The following NOB1 variants were observed in gnomAD, a reference collection of about 807,000 sequenced individuals.
NOB1 encodes the protein NIN1 (RPN12) binding protein 1 homolog, also known as RNA-binding protein NOB1.
A neutral mutation model predicts 44.8 loss-of-function variants in NOB1; 44 were observed. The observed-to-expected ratio is 0.98, with a 90% CI of 0.77 to 1.26. The LOEUF is 1.26. Among genes scored for constraint, NOB1 ranks in the 50% most tolerant of loss-of-function variants. The pLI is 0.00. For missense variants in NOB1, 560 were observed against 544.8 expected, an observed-to-expected ratio of 1.03 and a Z score of -0.28; for synonymous variants, 238 against 218.7, an observed-to-expected ratio of 1.09 and a Z score of -0.78.
At chr16:69,748,198 A>T (rs761759687) in intron 7 of NOB1, 34 bp downstream of exon 7, 5 of 1,500,782 alleles carry the variant, frequency 3.3e-6, no homozygotes, top group Non-Finnish European at 4.6e-6. Flanking sequence ...AGTGTTCCAC[A>T]GAGGGCACCA....
intron 3 of NOB1, among the ~76,000 whole-genome samples, chr16:69,750,046 C>T (rs1329635419): frequency 1.4e-5 from 2 of 144,410 alleles, no homozygotes; most frequent in Admixed American, 7.1e-5. Flanking sequence ...TCACCCAGGC[C>T]GGAGGGGAGT....
At chr16:69,744,154 A>C (rs1346235991) in intron 8 of NOB1, among the ~76,000 whole-genome samples, 1 of 152,144 alleles carries the variant, frequency 6.6e-6, no homozygotes. Flanking sequence ...GCAAAACCCC[A>C]TCTCTACTAA....
chr16:69,746,142 G>C (rs2038429033), intron 7 of NOB1, among the ~76,000 whole-genome samples: 1 of 152,236 alleles, frequency 6.6e-6, no homozygotes, highest in Non-Finnish European at 1.5e-5. Flanking sequence ...CTGAGTGCTG[G>C]GTTATGCTCA....
At chr16:69,742,637 G>A in intron 8 of NOB1, 36 bp from the exon 9 acceptor site, 2 of 1,606,438 alleles carry the variant, frequency 1.2e-6, no homozygotes, top group Non-Finnish European at 1.7e-6. Flanking sequence ...TTAGAAGAAG[G>A]GGAGCCACAG....
intron 7 of NOB1, 140 bp from the exon 8 acceptor site, chr16:69,745,157 C>T: frequency 1.2e-6 from 1 of 838,382 alleles, no homozygotes; most frequent in Non-Finnish European, 1.8e-6. Flanking sequence ...AAGACGGAGG[C>T]CACTGAAGCT....
At chr16:69,751,016 G>A (rs1307015610) in intron 3 of NOB1, among the ~76,000 whole-genome samples, 1 of 152,200 alleles carries the variant, frequency 6.6e-6, no homozygotes, top group Admixed American at 6.5e-5. Context: ...ACAATAGGAA[G>A]TCAAAGTTTT....
At chr16:69,742,947 C>T (rs2038397584) in intron 8 of NOB1, among the ~76,000 whole-genome samples, 1 of 152,136 alleles carries the variant, frequency 6.6e-6, no homozygotes, top group Non-Finnish European at 1.5e-5. Context: ...TGCAGGACAA[C>T]AGACACACCC....
rs2038386407 is a variant in NOB1 at position 69,742,130 on chromosome 16, G to C, written c.*202C>G. 5.3e-6 allele frequency: 3 copies of C among 560,994 alleles called. No homozygotes were observed. In the East Asian group the frequency reaches 9.3e-5, roughly 17 times the overall value. 34.8% of individuals were successfully genotyped at this position (560,994 alleles called of 1,614,324 possible). A position where few individuals can be genotyped will look rare whatever the true frequency, so the allele number is the denominator to read the frequency against. ...TGCAATTGCACTTCCTTGGCAGGCAGCCAGGCGCTCCGGTGCTCACAGGCC... is the reference window on the plus strand; with the variant it reads ...TGCAATTGCACTTCCTTGGCAGGCACCCAGGCGCTCCGGTGCTCACAGGCC... On this transcript the variant is annotated 3_prime_UTR_variant, in exon 9 of 9. Transcript: ENST00000268802.
chr16:69,753,414 C>T (rs2038498731), intron 2 of NOB1, among the ~76,000 whole-genome samples: 1 of 152,204 alleles, frequency 6.6e-6, no homozygotes, highest in East Asian at 1.9e-4. Flanking sequence ...AAGATGTCTC[C>T]TGCTACCCTG....
At chr16:69,751,167 C>T (rs1178754064) in intron 3 of NOB1, among the ~76,000 whole-genome samples, 3 of 152,074 alleles carry the variant, frequency 2.0e-5, no homozygotes, top group African/African-American at 7.2e-5. Context: ...CTCACTGCAA[C>T]CTCAATCTCC....
rs188040016 is a variant in NOB1, at chr16:69,753,452, T to C, written c.197-1081A>G. 2.3e-3 allele frequency among the ~76,000 whole-genome samples: 349 copies of C among 152,368 alleles called. 1 individual carries two copies. Among genetic ancestry groups the C allele is most frequent in the Non-Finnish European group, 2.6e-3 (178 of 68,038 alleles). Reference sequence around the variant, plus strand: ...ACAAGGAACACTAGGTATATTGCTCTTATTTCCTAAAAAACAGACATTAGC... The same window carrying C: ...ACAAGGAACACTAGGTATATTGCTCCTATTTCCTAAAAAACAGACATTAGC... On this transcript the variant is annotated intron_variant, in intron 2 of 8. Transcript: ENST00000268802.
intron 8 of NOB1, among the ~76,000 whole-genome samples, chr16:69,744,150 C>T (rs951494233): frequency 6.6e-6 from 1 of 152,126 alleles, no homozygotes; most frequent in African/African-American, 2.4e-5. Context: ...CATGGCAAAA[C>T]CCCATCTCTA....
chr16:69,742,404 G>T lies in NOB1; in HGVS notation c.1167C>A (p.Asp389Glu). The T allele has an allele frequency of 1.9e-6, 3 of 1,614,262 alleles. No individual in the cohort carries two copies. In the South Asian group the frequency reaches 3.3e-5, roughly 18 times the overall value. The change falls in exon 9 of 9, where the codon GAC (aspartate) becomes GAA (glutamate). Residue 389 changes from aspartate (D) to glutamate (E), a missense_variant. By Grantham distance (45) the Asp-to-Glu change is conservative. Transcript: ENST00000268802. ...GTCTCCGCCCAGCTCCCAAGGTGCT[G>T]TCCCGGACCTGCAGGGTAGCTGAGC... ...SSRSATLQVR[D>E]STLGAGRRRL...
intron 7 of NOB1, among the ~76,000 whole-genome samples, chr16:69,747,553 A>G (rs2038443749): frequency 6.6e-6 from 1 of 152,068 alleles, no homozygotes; most frequent in South Asian, 2.1e-4. Flanking sequence ...AGCTTCAAAA[A>G]CTATCAATTC....
intron 3 of NOB1, among the ~76,000 whole-genome samples, 184 bp from the exon 4 acceptor site, chr16:69,749,814 C>T (rs1465628517): frequency 1.3e-5 from 2 of 151,508 alleles, no homozygotes; most frequent in African/African-American, 4.8e-5. Flanking sequence ...CCTGTCTCTA[C>T]TAAAAATACA....
chr16:69,750,191 G>A (rs545803616), intron 3 of NOB1, among the ~76,000 whole-genome samples: 11 of 151,690 alleles, frequency 7.3e-5, no homozygotes, highest in Non-Finnish European at 1.3e-4. Flanking sequence ...TTTTAGTAGA[G>A]ATGGGGTTTC....
chr16:69,742,646 A>C, intron 8 of NOB1, 45 bp from the exon 9 acceptor site: 2 of 1,597,248 alleles, frequency 1.3e-6, no homozygotes, highest in Non-Finnish European at 1.7e-6. Flanking sequence ...GGGGAGCCAC[A>C]GTCACACAAG....
At chr16:69,748,414 C>A in intron 6 of NOB1, 85 bp from the exon 7 acceptor site, 1 of 1,272,158 alleles carries the variant, frequency 7.9e-7, no homozygotes, top group South Asian at 1.3e-5. Flanking sequence ...ACAAACCCTG[C>A]CTTGCCCATA....
rs148444486 is a variant in NOB1, at chr16:69,754,893, G to C, written c.18C>G (p.His6Gln). 8.2e-6 allele frequency: 13 copies of C among 1,592,278 alleles called. No homozygotes were observed. Among genetic ancestry groups the C allele is most frequent in the Non-Finnish European group, 1.1e-5 (13 of 1,170,584 alleles). MAPVE[H>Q]VVADAGAFLR... ...GGAAAGCCCCAGCATCCGCCACAAC[G>C]TGCTCCACTGGAGCCATGTTGGCTG... Residue 6 changes from histidine to glutamine, a missense_variant, in exon 1 of 9, where the codon CAC (histidine) becomes CAG (glutamine). Coordinates refer to ENST00000268802, the MANE Select transcript of NOB1 (RefSeq NM_014062.3).
Sources: gnomAD v4.1 joint callset for allele counts (sites outside exome capture counted in the v4.1 genomes callset) on GRCh38, gnomAD v4.1.1 for gene constraint, MANE v1.5 for transcripts, NCBI Gene and HGNC (gene_info 2026-07-23, HGNC 2026-07-21) for gene names.